UQCRC2: variants seen among roughly 807,000 people sequenced by gnomAD.
The protein encoded by UQCRC2 is cytochrome b-c1 complex subunit 2, mitochondrial.
Under a neutral mutation model 55.6 loss-of-function variants are expected in UQCRC2, and 49 were observed. The observed-to-expected ratio is 0.88, with a 90% CI of 0.70 to 1.12. UQCRC2 has a LOEUF of 1.12. Among genes scored for constraint, UQCRC2 ranks in the 50% most tolerant of loss-of-function variants. The probability of loss-of-function intolerance (pLI) is 0.00; values close to 1 mark genes in which losing one functional copy is unlikely to be tolerated. For synonymous variants in UQCRC2, 193 were observed against 192.0 expected (o/e 1.01, Z -0.04); for missense variants, 506 against 547.8 (o/e 0.92, Z 0.76).
chr16:21,957,265 G>T lies in UQCRC2; in HGVS notation c.64G>T (p.Val22Phe), dbSNP rs774666674. The change falls in exon 2 of 14, where the codon GTT (valine) becomes TTT (phenylalanine). Residue 22 changes from valine to phenylalanine, a missense_variant. Coordinates refer to ENST00000268379, the MANE Select transcript of UQCRC2 (RefSeq NM_003366.4). ...TTATTCCCTCAAAGTTGCCCCCAAA[G>T]TTAAAGCCACAGCTGCGCCTGCAGG... ...RFYSLKVAPK[V>F]KATAAPAGAP... is the part of the protein sequence containing the mutation. 2.5e-6 allele frequency: 4 copies of T among 1,613,896 alleles called. No individual in the cohort carries two copies. Among genetic ancestry groups the T allele is most frequent in the Non-Finnish European group, 2.5e-6 (3 of 1,179,914 alleles).
Position 21,976,217 on chromosome 16 carries a change from T to C in UQCRC2, c.1098T>C (p.Leu366=), listed in dbSNP as rs1187534359. The C allele has an allele frequency of 3.7e-6, 6 of 1,613,886 alleles. No individual in the cohort carries two copies. The Admixed American group carries it at 6.7e-5, about 18-fold the overall frequency. ...TAAAAACAATAGCTCAAGGAAACCT[T>C]TCCAACACAGATGTCCAAGCTGCCA... The part of the protein sequence containing the change: ...NQVKTIAQGN[L]SNTDVQAAKN... Residue 366 remains leucine (L), a synonymous_variant, in exon 12 of 14, where the codon CTT becomes CTC. Coordinates refer to ENST00000268379, the MANE Select transcript of UQCRC2 (RefSeq NM_003366.4).
At chr16:21,963,171 G>A (rs961137793) in intron 6 of UQCRC2, 1 of 217,796 alleles carries the variant, frequency 4.6e-6, no homozygotes, top group Admixed American at 5.2e-5. Context: ...TGTATTTTTA[G>A]TAGAAACAGG....
At chr16:21,974,339 A>C (rs1898532790) in intron 11 of UQCRC2, among the ~76,000 whole-genome samples, 1 of 152,228 alleles carries the variant, frequency 6.6e-6, no homozygotes, top group African/African-American at 2.4e-5. Context: ...GAATGATTGT[A>C]GGAAAAGAAA....
At chr16:21,967,794 G>A (rs1898362151) in intron 7 of UQCRC2, among the ~76,000 whole-genome samples, 1 of 152,150 alleles carries the variant, frequency 6.6e-6, no homozygotes. Flanking sequence ...GGTCAGAAAA[G>A]CTTTATAGAG....
At chr16:21,954,170 G>A (rs1898055643) in intron 1 of UQCRC2, among the ~76,000 whole-genome samples, 1 of 152,216 alleles carries the variant, frequency 6.6e-6, no homozygotes, top group Non-Finnish European at 1.5e-5. Flanking sequence ...GCGAGGGACA[G>A]AATGCCCCCA....
chr16:21,954,881 TAA>T (rs1898063855), intron 1 of UQCRC2, among the ~76,000 whole-genome samples: 2 of 141,348 alleles, frequency 1.4e-5, no homozygotes, highest in African/African-American at 5.5e-5. Context: ...CCGTCTCTAC[TAA>T]AAATACAAAA....
chr16:21,980,318 A>T (rs1898687252), intron 12 of UQCRC2: 2 of 485,458 alleles, frequency 4.1e-6, no homozygotes, highest in South Asian at 3.2e-5. Flanking sequence ...GTGGGCCCTC[A>T]ATTGGACACT....
intron 12 of UQCRC2, among the ~76,000 whole-genome samples, chr16:21,977,913 A>C (rs1333316223): frequency 1.3e-5 from 2 of 152,236 alleles, no homozygotes; most frequent in East Asian, 3.8e-4. Flanking sequence ...TATTGTATAC[A>C]TAGAACCAAG....
intron 13 of UQCRC2, 90 bp downstream of exon 13, chr16:21,980,790 T>C: frequency 4.1e-6 from 6 of 1,471,690 alleles, no homozygotes; most frequent in Non-Finnish European, 5.5e-6. Context: ...CCTTGGGCAG[T>C]GTATTATTCT....
intron 12 of UQCRC2, among the ~76,000 whole-genome samples, chr16:21,979,615 A>G (rs1250160644): frequency 1.3e-5 from 2 of 152,130 alleles, no homozygotes; most frequent in African/African-American, 4.8e-5. Context: ...ACAAAAGATA[A>G]AAAAATGGTA....
chr16:21,971,285 ATAATAT>A (rs1323505088), intron 8 of UQCRC2, among the ~76,000 whole-genome samples: 2 of 152,232 alleles, frequency 1.3e-5, no homozygotes, highest in African/African-American at 4.8e-5. Flanking sequence ...TAAATTGAAG[ATAATAT>A]TAACTACACA....
chr16:21,977,732 A>G (rs1481523564), intron 12 of UQCRC2, among the ~76,000 whole-genome samples: 4 of 152,192 alleles, frequency 2.6e-5, no homozygotes, highest in African/African-American at 9.7e-5. Context: ...GAATCTTGCA[A>G]CTCCAGTGGT....
chr16:21,958,397 A>G (rs954519338), intron 3 of UQCRC2, 138 bp from the exon 4 acceptor site: 2 of 753,282 alleles, frequency 2.7e-6, no homozygotes, highest in African/African-American at 3.6e-5. Flanking sequence ...GCCTTGTTTT[A>G]TAATTCTTAA....
rs180809973 is a variant in UQCRC2 at position 21,962,747 on chromosome 16, G to T, written c.390-14G>T. The T allele has an allele frequency of 1.9e-6, 3 of 1,613,614 alleles. No individual in the cohort carries two copies. The highest frequency in any genetic ancestry group is 2.7e-5 in the African/African-American group (2 of 74,874). On this transcript the variant is annotated splice_polypyrimidine_tract_variant and intron_variant, in intron 5 of 13. Transcript: ENST00000268379. ...ATTTTTGACTCATAATTCTTATCTC[G>T]ATGTCTTCTGTAGTGATATTCTAAT...
At chr16:21,954,539 A>G (rs773753417) in intron 1 of UQCRC2, among the ~76,000 whole-genome samples, 1 of 152,168 alleles carries the variant, frequency 6.6e-6, no homozygotes, top group African/African-American at 2.4e-5. Context: ...TCTCCATTCT[A>G]TTTTGCAACA....
At chr16:21,981,244 C>T (rs1338157398) in intron 13 of UQCRC2, among the ~76,000 whole-genome samples, 1 of 152,028 alleles carries the variant, frequency 6.6e-6, no homozygotes, top group East Asian at 1.9e-4. Flanking sequence ...TTGTTCCCTA[C>T]AATATTGAGC....
At chr16:21,962,161 GAATCAT>G (rs1898219867) in intron 4 of UQCRC2, 1 of 325,640 alleles carries the variant, frequency 3.1e-6, no homozygotes, top group Non-Finnish European at 5.8e-6. Flanking sequence ...CTCATAAGTA[GAATCAT>G]ACAATATTTG....
chr16:21,972,830 A>G (rs1158109621), intron 10 of UQCRC2, among the ~76,000 whole-genome samples: 2 of 152,252 alleles, frequency 1.3e-5, no homozygotes, highest in Non-Finnish European at 2.9e-5. Flanking sequence ...GGCCAGGCAC[A>G]GTGGCTCACG....
At chr16:21,983,015 A>G in intron 13 of UQCRC2, 73 bp from the exon 14 acceptor site, 1 of 1,429,566 alleles carries the variant, frequency 7.0e-7, no homozygotes, top group Non-Finnish European at 9.6e-7. Flanking sequence ...TTGAAATGAC[A>G]AAATAAGTTC....
Sources: gnomAD v4.1 joint callset for allele counts (sites outside exome capture counted in the v4.1 genomes callset) on GRCh38, gnomAD v4.1.1 for gene constraint, MANE v1.5 for transcripts, NCBI Gene and HGNC (gene_info 2026-07-23, HGNC 2026-07-21) for gene names.